The following CYP2R1 variants were observed in gnomAD, a reference collection of about 807,000 sequenced individuals.
The protein encoded by CYP2R1 is cytochrome P450 family 2 subfamily R member 1, also known as vitamin D 25-hydroxylase.
In CYP2R1, 40 loss-of-function variants were observed where a neutral mutation model predicts 45.7. The ratio of observed to expected loss-of-function variants is 0.87; its 90% CI spans 0.68 to 1.14. The LOEUF is 1.14. Among genes scored for constraint, CYP2R1 ranks in the 50% most tolerant of loss-of-function variants. The pLI, the probability that CYP2R1 is intolerant of heterozygous loss-of-function variation, is 0.00. For synonymous variants in CYP2R1, 234 were observed against 219.3 expected (o/e 1.07, Z -0.59); for missense variants, 605 against 602.6 (o/e 1.00, Z -0.04).
Position 14,880,715 on chromosome 11 carries a change from C to G in CYP2R1, c.421G>C (p.Val141Leu), listed in dbSNP as rs782437679. Residue 141 changes from valine to leucine, a missense_variant, in exon 3 of 5, where the codon GTA becomes CTA. Coordinates refer to ENST00000334636, the MANE Select transcript of CYP2R1 (RefSeq NM_024514.5). ...TATCCAAAATATCGAAAACTGTTTA[C>G]AGCTAATCGTCTGTGATCAACCCAT... ...RGWVDHRRLA[V>L]NSFRYFGYGQ... 6 of 1,600,800 alleles carry G rather than the reference C, an allele frequency of 3.7e-6. No individual in the cohort carries two copies. The highest frequency in any genetic ancestry group is 1.1e-5 in the South Asian group (1 of 88,122).
At chr11:14,886,375 A>G (rs1013514485) in intron 1 of CYP2R1, 2 of 169,754 alleles carry the variant, frequency 1.2e-5, no homozygotes, top group South Asian at 1.5e-4. Flanking sequence ...AGTGAGGGAG[A>G]GGATTGTCAA....
chr11:14,889,969 A>T (rs1848767956), intron 1 of CYP2R1, among the ~76,000 whole-genome samples: 1 of 151,924 alleles, frequency 6.6e-6, no homozygotes, highest in South Asian at 2.1e-4. Flanking sequence ...TCTACTAAAA[A>T]TTACAAAAAA....
At position 14,877,916 on chromosome 11, in the gene CYP2R1, G is replaced by T. The variant is rs1436963484; in HGVS notation, c.*206C>A. Reference sequence around the variant, plus strand: ...TTGCACCTTTGTGTCTCTCAACAGAGAATTTTACCCCAGAAGTCATAAAAT... The same window carrying T: ...TTGCACCTTTGTGTCTCTCAACAGATAATTTTACCCCAGAAGTCATAAAAT... On this transcript the variant is annotated 3_prime_UTR_variant, in exon 5 of 5. Transcript: ENST00000334636. The T allele has an allele frequency of 5.3e-6, 3 of 568,808 alleles. No individual in the cohort carries two copies. The East Asian group carries it at 8.9e-5, about 17-fold the overall frequency. The allele number at this position is 568,808 out of a possible 1,614,324, so 35.2% of individuals were successfully genotyped here. A position where few individuals can be genotyped will look rare whatever the true frequency, so the allele number is the denominator to read the frequency against.
Position 14,880,736 on chromosome 11 carries a change from C to G in CYP2R1, c.400G>C (p.Val134Leu). The G allele has an allele frequency of 6.2e-7, 1 of 1,607,130 alleles. No homozygotes were observed. The change falls in exon 3 of 5, where the codon GTT becomes CTT. Residue 134 changes from valine to leucine, a missense_variant. Val to Leu is a conservative substitution (Grantham distance 32). Transcript: ENST00000334636. ...LLNSRYGRGW[V>L]DHRRLAVNSF... ...TTTACAGCTAATCGTCTGTGATCAA[C>G]CCATCCTCGGCCATATCTGGAATTG...
intron 1 of CYP2R1, 149 bp from the exon 2 acceptor site, chr11:14,886,066 G>C (rs1848609618): frequency 1.3e-6 from 1 of 746,102 alleles, no homozygotes; most frequent in Non-Finnish European, 2.3e-6. Flanking sequence ...ACAATGTTCA[G>C]AGTGCCCTCC....
intron 2 of CYP2R1, among the ~76,000 whole-genome samples, chr11:14,885,116 T>C (rs1435651305): frequency 6.6e-6 from 1 of 152,226 alleles, no homozygotes; most frequent in Non-Finnish European, 1.5e-5. Flanking sequence ...TGAAATTAAA[T>C]GTGAAACTCA....
At chr11:14,891,878 C>G in intron 1 of CYP2R1, 103 bp downstream of exon 1, 1 of 1,453,208 alleles carries the variant, frequency 6.9e-7, no homozygotes, top group South Asian at 1.3e-5. Flanking sequence ...GGAGAGGTCC[C>G]GACTAGTCGG....
chr11:14,892,256 T>A (rs782470173), upstream of CYP2R1: 4 of 1,539,060 alleles, frequency 2.6e-6, no homozygotes, highest in Non-Finnish European at 3.5e-6. Context: ...ACCCAGGCAC[T>A]CCCTCCAGCC....
At chr11:14,888,661 A>T (rs1299289055) in intron 1 of CYP2R1, among the ~76,000 whole-genome samples, 1 of 152,138 alleles carries the variant, frequency 6.6e-6, no homozygotes, top group African/African-American at 2.4e-5. Flanking sequence ...TGAACCAGAA[A>T]CATTCATATT....
chr11:14,890,895 C>A (rs1848825751), intron 1 of CYP2R1: 2 of 985,374 alleles, frequency 2.0e-6, no homozygotes, highest in Non-Finnish European at 2.4e-6. Context: ...GATTTAAGGT[C>A]AAACCTGAAA....
chr11:14,886,396 G>A (rs534486423), intron 1 of CYP2R1: 107 of 166,582 alleles, frequency 6.4e-4, no homozygotes, highest in Non-Finnish European at 1.1e-3. Flanking sequence ...ATACCTGAGA[G>A]ACAACTTTGA....
At chr11:14,890,977 T>C in intron 1 of CYP2R1, 1 of 985,434 alleles carries the variant, frequency 1.0e-6, no homozygotes, top group Non-Finnish European at 1.2e-6. Flanking sequence ...GATAATGAGA[T>C]TAGTTTTCTC....
At chr11:14,892,305 C>A, upstream of CYP2R1, 1 of 1,190,904 alleles carries the variant, frequency 8.4e-7, no homozygotes, top group Non-Finnish European at 1.2e-6. Context: ...TCAGGTCCCG[C>A]CCTAGCTCCG....
intron 1 of CYP2R1, chr11:14,891,059 T>G: frequency 1.0e-6 from 1 of 985,406 alleles, no homozygotes; most frequent in Non-Finnish European, 1.2e-6. Context: ...GGCCTGTAGT[T>G]GCATATAAAT....
At chr11:14,886,013 A>T (rs1848606991) in intron 1 of CYP2R1, 96 bp from the exon 2 acceptor site, 1 of 1,213,708 alleles carries the variant, frequency 8.2e-7, no homozygotes, top group Non-Finnish European at 1.2e-6. Flanking sequence ...CTCTTCCAGG[A>T]TTTGTTACGT....
chr11:14,892,438 C>G (rs782000431), upstream of CYP2R1, among the ~76,000 whole-genome samples: 2 of 152,192 alleles, frequency 1.3e-5, no homozygotes, highest in Non-Finnish European at 2.9e-5. Context: ...GGTGGCGCGG[C>G]TCTAGGCGGA....
In CYP2R1 at chr11:14,892,083, C is replaced by G; in HGVS notation, c.123G>C (p.Pro41=). 5 of 1,611,668 alleles carry G rather than the reference C, an allele frequency of 3.1e-6. No homozygotes were observed. The highest frequency in any genetic ancestry group is 4.2e-6 in the Non-Finnish European group (5 of 1,179,658). ...LKQRRPMGFP[P]GPPGLPFIGN... ...CGATAAATGGCAGCCCCGGCGGCCC[C>G]GGGGGGAAGCCCATCGGCCGCCTCT... Residue 41 remains proline, a synonymous_variant, in exon 1 of 5, where the codon CCG becomes CCC. Coordinates refer to ENST00000334636, the MANE Select transcript of CYP2R1 (RefSeq NM_024514.5).
In CYP2R1 at chr11:14,878,014, C is replaced by CT; in HGVS notation, c.*107dup. 1 of 1,221,888 alleles carries CT rather than the reference C, an allele frequency of 8.2e-7. No individual in the cohort carries two copies. The highest frequency in any genetic ancestry group is 1.2e-6 in the Non-Finnish European group (1 of 853,058). The allele number at this position is 1,221,888 out of a possible 1,614,324, so 75.7% of individuals were successfully genotyped here. A position where few individuals can be genotyped will look rare whatever the true frequency, so the allele number is the denominator to read the frequency against. On this transcript the variant is annotated 3_prime_UTR_variant, in exon 5 of 5. Coordinates refer to ENST00000334636, the MANE Select transcript of CYP2R1 (RefSeq NM_024514.5). ...TTAAGACACATCTGTGTTCATTTGG[C>CT]TTTTTGATGCTGTGACTTTTATTCT...
At chr11:14,881,667 T>G (rs1848392559) in intron 2 of CYP2R1, among the ~76,000 whole-genome samples, 1 of 152,012 alleles carries the variant, frequency 6.6e-6, no homozygotes, top group Non-Finnish European at 1.5e-5. Flanking sequence ...TAATGTGAGA[T>G]CTGGTTGTTT....
Sources: allele counts gnomAD v4.1 joint callset (sites outside exome capture counted in the v4.1 genomes callset), GRCh38; gene constraint gnomAD v4.1.1; transcripts MANE v1.5; gene names NCBI Gene and HGNC (gene_info 2026-07-23, HGNC 2026-07-21).